Variants in NTN1 observed in about 807,000 individuals in gnomAD.
NTN1 encodes the protein netrin-1.
In NTN1, 11 loss-of-function variants were observed where a neutral mutation model predicts 54.2. That is an observed-to-expected ratio of 0.20 (90% CI 0.13 to 0.34). The LOEUF is 0.34. Among genes scored for constraint, NTN1 ranks in the 10% least tolerant of loss-of-function variants. The probability of loss-of-function intolerance (pLI) is 1.00; values close to 1 mark genes in which losing one functional copy is unlikely to be tolerated. For synonymous variants in NTN1, 371 were observed against 382.0 expected (o/e 0.97, Z 0.33); for missense variants, 740 against 893.1 (o/e 0.83, Z 2.18).
At chr17:9,133,275 T>G (rs2142272334) in intron 2 of NTN1, among the ~76,000 whole-genome samples, 1 of 152,360 alleles carries the variant, frequency 6.6e-6, no homozygotes, top group East Asian at 1.9e-4. Flanking sequence ...AGCTCCAGGC[T>G]TCCGGAGAGG....
At chr17:9,065,490 C>T (rs1432885723) in intron 2 of NTN1, among the ~76,000 whole-genome samples, 2 of 152,202 alleles carry the variant, frequency 1.3e-5, no homozygotes, top group Non-Finnish European at 2.9e-5. Context: ...GTCTGAAGCA[C>T]TGACCCCACA....
At chr17:9,102,218 A>G (rs181003979) in intron 2 of NTN1, among the ~76,000 whole-genome samples, 36 of 152,364 alleles carry the variant, frequency 2.4e-4, no homozygotes, top group Non-Finnish European at 1.6e-4. Context: ...TAATAAAGAC[A>G]TACCCGAGAC....
At chr17:9,204,219 CCTT>C (rs1277466804) in intron 5 of NTN1, among the ~76,000 whole-genome samples, 3 of 151,244 alleles carry the variant, frequency 2.0e-5, no homozygotes, top group Admixed American at 1.3e-4. Context: ...TTCCTTCCTT[CCTT>C]TTCTTTCTCT....
intron 5 of NTN1, among the ~76,000 whole-genome samples, chr17:9,190,813 C>T (rs1904433133): frequency 6.6e-6 from 1 of 151,704 alleles, no homozygotes; most frequent in African/African-American, 2.4e-5. Context: ...GATCGTGCCA[C>T]TGCACTCCAG....
At chr17:9,045,655 A>G (rs776065884) in intron 2 of NTN1, among the ~76,000 whole-genome samples, 1 of 152,208 alleles carries the variant, frequency 6.6e-6, no homozygotes, top group Non-Finnish European at 1.5e-5. Flanking sequence ...AATTAATAGA[A>G]TAAGCCAGAA....
chr17:9,115,867 G>T (rs9913511), intron 2 of NTN1, among the ~76,000 whole-genome samples: 17,496 of 152,314 alleles, frequency 0.11, 1,062 homozygotes, highest in Non-Finnish European at 0.13. Flanking sequence ...CGCCGTCTCC[G>T]AGGCCGTGGA....
intron 5 of NTN1, among the ~76,000 whole-genome samples, chr17:9,185,631 A>G (rs528944794): frequency 6.6e-6 from 1 of 152,110 alleles, no homozygotes; most frequent in South Asian, 2.1e-4. Context: ...ACAGGGAGGA[A>G]AGGAGAGAGG....
chr17:9,162,810 C>A lies in NTN1; in HGVS notation c.1019-3C>A, dbSNP rs774482773. ...TGACACCTCTCTCTGTCTCCCCCTG[C>A]AGCCTGTAACTGCAACCTGCATGCC... On this transcript the variant is annotated splice_region_variant and splice_polypyrimidine_tract_variant and intron_variant, in intron 2 of 6. Transcript: ENST00000173229. 6.2e-7 allele frequency: 1 copy of A among 1,607,384 alleles called. No homozygotes were observed. Among genetic ancestry groups the A allele is most frequent in the East Asian group, 2.2e-5 (1 of 44,652 alleles).
At chr17:9,144,195 C>T (rs964019294) in intron 2 of NTN1, among the ~76,000 whole-genome samples, 17 of 151,966 alleles carry the variant, frequency 1.1e-4, no homozygotes, top group Non-Finnish European at 2.2e-4. Flanking sequence ...TGCGCCCGGC[C>T]GTTACCGTCT....
chr17:9,196,490 TCGG>T (rs1904637593), intron 5 of NTN1, among the ~76,000 whole-genome samples: 1 of 152,196 alleles, frequency 6.6e-6, no homozygotes. Flanking sequence ...GATTTTCCTC[TCGG>T]CAGCTCTCTC....
At chr17:9,161,685 A>G (rs7224651) in intron 2 of NTN1, among the ~76,000 whole-genome samples, 152,092 of 152,286 alleles carry the variant, frequency 1, 75,949 homozygotes, top group Middle Eastern at 1. Flanking sequence ...GGGTGAGGCA[A>G]GAGAATCGCT....
chr17:9,148,191 G>A lies in NTN1; in HGVS notation c.1019-14622G>A, dbSNP rs117205673. ...GTTTTTGGGTCATCCAATGGGCAGGGTCTTTTCCCTTCTCACAAATCTCCA... is the reference window on the plus strand; with the variant it reads ...GTTTTTGGGTCATCCAATGGGCAGGATCTTTTCCCTTCTCACAAATCTCCA... On this transcript the variant is annotated intron_variant, in intron 2 of 6. Coordinates refer to ENST00000173229, the MANE Select transcript of NTN1 (RefSeq NM_004822.3). Among the ~76,000 whole-genome samples, 1,327 of 152,278 alleles carry A rather than the reference G, an allele frequency of 8.7e-3. 48 individuals carry two copies. Among genetic ancestry groups the A allele is most frequent in the Admixed American group, 0.063 (963 of 15,286 alleles).
intron 2 of NTN1, among the ~76,000 whole-genome samples, chr17:9,083,688 C>A (rs187663971): frequency 7.9e-5 from 12 of 152,234 alleles, no homozygotes; most frequent in Non-Finnish European, 1.2e-4. Flanking sequence ...GGAACACCCA[C>A]CAAAGGATGA....
chr17:9,046,451 A>G (rs2091941623), intron 2 of NTN1, among the ~76,000 whole-genome samples: 1 of 152,222 alleles, frequency 6.6e-6, no homozygotes, highest in African/African-American at 2.4e-5. Context: ...GTGGGAATGT[A>G]AAATGATATG....
At chr17:9,008,091 C>G in the NTN1 span, among the ~76,000 whole-genome samples, 2 of 151,848 alleles carry the variant, frequency 1.3e-5, no homozygotes, top group Non-Finnish European at 1.5e-5. Context: ...GAAGTGGATA[C>G]TTTGTATTGA....
At chr17:9,178,149 A>G (rs867006509) in intron 3 of NTN1, among the ~76,000 whole-genome samples, 2 of 152,236 alleles carry the variant, frequency 1.3e-5, no homozygotes, top group Non-Finnish European at 2.9e-5. Context: ...GTGAGCCGAG[A>G]TTACGCCATT....
chr17:9,234,544 A>G (rs903561437), intron 6 of NTN1, among the ~76,000 whole-genome samples: 6 of 152,338 alleles, frequency 3.9e-5, no homozygotes, highest in Non-Finnish European at 8.8e-5. Flanking sequence ...GGGCTCAGTT[A>G]GGCTTCCAGT....
chr17:9,038,120 C>CA (rs1288674574), intron 2 of NTN1, among the ~76,000 whole-genome samples: 1 of 152,138 alleles, frequency 6.6e-6, no homozygotes, highest in African/African-American at 2.4e-5. Context: ...TAGGTTCCTT[C>CA]AAGTCTTTGG....
Position 9,239,502 on chromosome 17 carries a change from C to A in NTN1, c.1487-138C>A. 1 of 755,898 alleles carries A rather than the reference C, an allele frequency of 1.3e-6. No homozygotes were observed. Among genetic ancestry groups the A allele is most frequent in the Non-Finnish European group, 2.1e-6 (1 of 473,350 alleles). The allele number at this position is 755,898 out of a possible 1,614,324, so 46.8% of individuals were successfully genotyped here. ...GGGGTCTACGATCAGCTTGCCACCA[C>A]CCACGCGCTCCTGTATGGGCCACTC... is the stretch of plus-strand genomic sequence containing the variant. On this transcript the variant is annotated intron_variant, in intron 6 of 6. Coordinates refer to ENST00000173229, the MANE Select transcript of NTN1 (RefSeq NM_004822.3). This position sits in a 1 kb window ranked among gnomAD's most constrained non-coding sequence, Gnocchi z 5.2.
Sources: gnomAD v4.1 joint callset for allele counts (sites outside exome capture counted in the v4.1 genomes callset) on GRCh38, gnomAD v4.1.1 for gene constraint, Gnocchi (gnomAD v3.1) non-coding constraint, MANE v1.5 for transcripts, NCBI Gene and HGNC (gene_info 2026-07-23, HGNC 2026-07-21) for gene names.